The following MGAT4C variants were observed in gnomAD, a reference collection of about 807,000 sequenced individuals.
MGAT4C encodes the protein MGAT4 family member C.
Under a neutral mutation model 40.1 loss-of-function variants are expected in MGAT4C, and 19 were observed. That is an observed-to-expected ratio of 0.47 (90% confidence interval 0.33 to 0.70). MGAT4C has a LOEUF of 0.70. Among genes scored for constraint, MGAT4C ranks in the 30% least tolerant of loss-of-function variants. The pLI, the probability that MGAT4C is intolerant of heterozygous loss-of-function variation, is 0.02. For missense variants in MGAT4C, 491 were observed against 563.2 expected (o/e 0.87, Z 1.30); for synonymous variants, 181 against 187.1 (o/e 0.97, Z 0.27).
At chr12:86,069,601 T>A (rs1376059854) in intron 1 of MGAT4C, among the ~76,000 whole-genome samples, 1 of 152,168 alleles carries the variant, frequency 6.6e-6, no homozygotes, top group Non-Finnish European at 1.5e-5. Context: ...TTGATGTCTA[T>A]CCTTCCAGTT....
At chr12:86,365,425 G>A (rs995099684) in intron 3 of MGAT4C, among the ~76,000 whole-genome samples, 8 of 152,110 alleles carry the variant, frequency 5.3e-5, no homozygotes, top group African/African-American at 1.7e-4. Context: ...CCCAGCTTAC[G>A]AGGATGACGG....
chr12:86,383,549 C>CAAAAAAAA (rs1159593477), intron 3 of MGAT4C, among the ~76,000 whole-genome samples: 1 of 49,852 alleles, frequency 2.0e-5, no homozygotes, highest in Non-Finnish European at 3.1e-5. Flanking sequence ...CACTTCGTCT[C>CAAAAAAAA]AAAAAAAAAA....
At chr12:86,422,048 G>A (rs541049583) in intron 3 of MGAT4C, among the ~76,000 whole-genome samples, 1 of 152,218 alleles carries the variant, frequency 6.6e-6, no homozygotes, top group Non-Finnish European at 1.5e-5. Flanking sequence ...TCCTTGAATT[G>A]AGGCTTAGAA....
chr12:86,566,105 A>AAG (rs1960086891), intron 2 of MGAT4C, among the ~76,000 whole-genome samples: 1 of 152,108 alleles, frequency 6.6e-6, no homozygotes. Flanking sequence ...TCCTCACCTG[A>AAG]ATAGACAGTT....
chr12:86,272,896 C>A (rs1952984752), intron 4 of MGAT4C, among the ~76,000 whole-genome samples: 2 of 152,076 alleles, frequency 1.3e-5, no homozygotes, highest in South Asian at 2.1e-4. Flanking sequence ...TATTTGCATT[C>A]ATTGTACAGA....
At chr12:86,794,153 T>C (rs192383045) in intron 1 of MGAT4C, among the ~76,000 whole-genome samples, 13 of 151,912 alleles carry the variant, frequency 8.6e-5, no homozygotes, top group Admixed American at 6.6e-4. Flanking sequence ...ATTTAATATT[T>C]AGAGTTATAA....
chr12:86,693,657 T>C (rs1950208157), intron 2 of MGAT4C, among the ~76,000 whole-genome samples: 1 of 152,180 alleles, frequency 6.6e-6, no homozygotes, highest in Non-Finnish European at 1.5e-5. Flanking sequence ...GCAAAGAAAA[T>C]GTAACAATTA....
intron 3 of MGAT4C, chr12:86,334,271 A>G (rs546537604): frequency 6.6e-6 from 1 of 152,206 alleles, no homozygotes; most frequent in Non-Finnish European, 1.5e-5. Flanking sequence ...TCAAATGTAG[A>G]TGATGTTTAC....
chr12:86,490,373 T>G (rs1221461808), intron 2 of MGAT4C, among the ~76,000 whole-genome samples: 1 of 151,972 alleles, frequency 6.6e-6, no homozygotes, highest in Non-Finnish European at 1.5e-5. Context: ...AAGCAAATGC[T>G]GAGAGATTTT....
chr12:86,235,021 A>T (rs1041171675), intron 1 of MGAT4C, among the ~76,000 whole-genome samples: 4 of 152,016 alleles, frequency 2.6e-5, no homozygotes, highest in African/African-American at 4.8e-5. Context: ...TTTTTAAAAG[A>T]CCTGTGCTTA....
chr12:86,259,934 A>G (rs11103903), upstream of MGAT4C, among the ~76,000 whole-genome samples: 35,934 of 151,174 alleles, frequency 0.24, 5,339 homozygotes, highest in South Asian at 0.38. Context: ...CATTGTTACA[A>G]TTGTAACACC....
chr12:86,830,561 A>G (rs1448196136), intron 1 of MGAT4C, among the ~76,000 whole-genome samples: 5 of 151,760 alleles, frequency 3.3e-5, no homozygotes, highest in Admixed American at 6.6e-5. Flanking sequence ...TTGTGTGTGT[A>G]TCTATCTCCC....
At chr12:86,675,556 C>G (rs147460177) in intron 2 of MGAT4C, among the ~76,000 whole-genome samples, 69 of 152,272 alleles carry the variant, frequency 4.5e-4, no homozygotes, top group Admixed American at 1.1e-3. Context: ...GGTTGCTATA[C>G]CAGACCAGTG....
rs192721590 is a variant in MGAT4C, at chr12:86,541,078, T to C, written c.-228-105813A>G. Among the ~76,000 whole-genome samples the C allele has an allele frequency of 1.4e-4, 22 of 152,290 alleles. 1 individual carries two copies. The highest frequency in any genetic ancestry group is 1.1e-3 in the Admixed American group (17 of 15,290). On this transcript the variant is annotated intron_variant, in intron 2 of 7. Transcript: ENST00000548651. ...AGACATTGTTCATTGAAGTTACCTA[T>C]GGTAACACTAAAGGTCTAAGTTAAA... is the stretch of plus-strand genomic sequence containing the variant.
At chr12:86,216,648 T>C (rs1950685433) in intron 1 of MGAT4C, among the ~76,000 whole-genome samples, 2 of 152,220 alleles carry the variant, frequency 1.3e-5, no homozygotes, top group Non-Finnish European at 2.9e-5. Flanking sequence ...AATTAAAATG[T>C]AAAAGAGCTC....
intron 2 of MGAT4C, among the ~76,000 whole-genome samples, chr12:86,672,249 C>T (rs1662078465): frequency 1.3e-5 from 2 of 151,942 alleles, no homozygotes; most frequent in African/African-American, 2.4e-5. Flanking sequence ...ATAATGGAAA[C>T]ACACATACCA....
In MGAT4C at chr12:86,325,330, A is replaced by T. The variant is rs116442964; in HGVS notation, c.-57+8735T>A. On this transcript the variant is annotated intron_variant, in intron 4 of 7. Coordinates refer to the MGAT4C transcript ENST00000548651. ...ATTAATCATTGTATATTCCAGCAGC[A>T]TATCAAAAAATTAGGAATTTATTTA... is the stretch of plus-strand genomic sequence containing the variant. 2.3e-3 allele frequency among the ~76,000 whole-genome samples: 355 copies of T among 152,328 alleles called. 1 individual carries two copies. Among genetic ancestry groups the T allele is most frequent in the African/African-American group, 7.9e-3 (329 of 41,590 alleles).
intron 2 of MGAT4C, among the ~76,000 whole-genome samples, chr12:86,021,106 G>A (rs1889684992): frequency 6.6e-6 from 1 of 152,172 alleles, no homozygotes; most frequent in South Asian, 2.1e-4. Context: ...TGGAGAGGAT[G>A]TGGAGAAACA....
intron 1 of MGAT4C, among the ~76,000 whole-genome samples, chr12:86,236,191 A>G (rs2250915): frequency 0.84 from 127,715 of 151,918 alleles, 53,791 homozygotes; most frequent in East Asian, 0.95. Flanking sequence ...ACAGTCTAAT[A>G]TAACAATTTA....
Sources: allele counts gnomAD v4.1 joint callset (sites outside exome capture counted in the v4.1 genomes callset), GRCh38; gene constraint gnomAD v4.1.1; transcripts MANE v1.5; gene names NCBI Gene and HGNC (gene_info 2026-07-23, HGNC 2026-07-21).